Variants in ZNF207 observed in about 807,000 individuals in gnomAD.
ZNF207 encodes zinc finger protein 207, also known as BUB3-interacting and GLEBS motif-containing protein ZNF207.
In ZNF207, 24 loss-of-function variants were observed where a neutral mutation model predicts 60.2. The observed-to-expected ratio is 0.40, with a 90% CI of 0.29 to 0.56. ZNF207 has a LOEUF of 0.56. Among genes scored for constraint, ZNF207 ranks in the 20% least tolerant of loss-of-function variants. The pLI, the probability that ZNF207 is intolerant of heterozygous loss-of-function variation, is 0.49. For synonymous variants in ZNF207, 236 were observed against 194.7 expected, an observed-to-expected ratio of 1.21 and a Z score of -1.77; for missense variants, 452 against 636.6, an observed-to-expected ratio of 0.71 and a Z score of 3.12.
chr17:32,358,786 T>G (rs1904693380), intron 3 of ZNF207, 145 bp downstream of exon 3: 1 of 615,100 alleles, frequency 1.6e-6, no homozygotes, highest in Non-Finnish European at 2.4e-6. Flanking sequence ...GGGGTTTAAG[T>G]GATTGTTTGT....
At chr17:32,362,785 A>T in intron 6 of ZNF207, 129 bp from the exon 7 acceptor site, 1 of 621,230 alleles carries the variant, frequency 1.6e-6, no homozygotes, top group Non-Finnish European at 2.7e-6. Context: ...TTCAGCTTTG[A>T]TTCATTTCAG....
At position 32,370,475 on chromosome 17, in the gene ZNF207, C is replaced by CTT. The variant is rs1407922004; in HGVS notation, c.*718_*719dup. On this transcript the variant is annotated 3_prime_UTR_variant, in exon 12 of 12. Transcript: ENST00000394670. ...GTTTTGATATATCATTGGATTCTGT[C>CTT]TTTGAGTTGTAGGTTATTTCTTAGC... is the stretch of plus-strand genomic sequence containing the variant. 4 of 152,288 alleles carry CTT rather than the reference C, an allele frequency of 2.6e-5. No individual in the cohort carries two copies. The highest frequency in any genetic ancestry group is 9.7e-5 in the African/African-American group (4 of 41,420). 9.4% of individuals were successfully genotyped at this position (152,288 alleles called of 1,614,324 possible).
intron 4 of ZNF207, 30 bp downstream of exon 4, chr17:32,360,795 A>G (rs769024035): frequency 6.2e-7 from 1 of 1,612,434 alleles, no homozygotes; most frequent in Non-Finnish European, 8.5e-7. Flanking sequence ...AAAATCTAAC[A>G]TTTTTAGGAC....
At chr17:32,353,609 C>T (rs1383920747) in intron 2 of ZNF207, among the ~76,000 whole-genome samples, 1 of 149,048 alleles carries the variant, frequency 6.7e-6, no homozygotes, top group African/African-American at 2.5e-5. Flanking sequence ...TGGTGAAACC[C>T]CATCTCTACA....
intron 7 of ZNF207, 56 bp downstream of exon 7, chr17:32,363,040 T>G (rs1167064170): frequency 6.6e-7 from 1 of 1,518,044 alleles, no homozygotes; most frequent in Non-Finnish European, 9.0e-7. Context: ...TTCTAAGTTT[T>G]TTTAGACGTC....
chr17:32,358,441 T>G, intron 2 of ZNF207, 62 bp from the exon 3 acceptor site: 3 of 1,478,638 alleles, frequency 2.0e-6, no homozygotes, highest in Non-Finnish European at 2.7e-6. Flanking sequence ...CTAAGCAGTC[T>G]TTGATTAACT....
chr17:32,363,669 G>C (rs534684595), intron 7 of ZNF207, among the ~76,000 whole-genome samples: 2 of 149,734 alleles, frequency 1.3e-5, no homozygotes, highest in East Asian at 4.0e-4. Context: ...GTAGCTGGGA[G>C]TACAGGCGCC....
chr17:32,373,328 A>G lies in ZNF207; in HGVS notation c.*3569A>G. The stretch of plus-strand genomic sequence containing the variant: ...GATCATTGGGATTTTTAAAAAAAAA[A>G]ATTTTAATGCATGTCTTTTAAATTA... On this transcript the variant is annotated 3_prime_UTR_variant, in exon 12 of 12. Coordinates refer to ENST00000394670, the MANE Select transcript of ZNF207 (RefSeq NM_001098507.2). The G allele has an allele frequency of 1.6e-6, 1 of 635,344 alleles. No individual in the cohort carries two copies. The highest frequency in any genetic ancestry group is 2.8e-6 in the Non-Finnish European group (1 of 355,492). 39.4% of individuals were successfully genotyped at this position (635,344 alleles called of 1,614,324 possible). A position where few individuals can be genotyped will look rare whatever the true frequency, so the allele number is the denominator to read the frequency against.
At chr17:32,365,513 T>A in intron 8 of ZNF207, 26 bp downstream of exon 8, 3 of 1,609,276 alleles carry the variant, frequency 1.9e-6, no homozygotes, top group South Asian at 2.2e-5. Flanking sequence ...TGAAAAGGAG[T>A]GCACTTATAT....
chr17:32,368,038 G>C (rs577302472), intron 10 of ZNF207, 24 bp downstream of exon 10: 9 of 1,612,186 alleles, frequency 5.6e-6, no homozygotes, highest in South Asian at 1.1e-5. Context: ...AGTTTTCTAC[G>C]AGCAGCATTT....
chr17:32,366,633 C>G, intron 8 of ZNF207, 32 bp from the exon 9 acceptor site: 2 of 1,571,590 alleles, frequency 1.3e-6, no homozygotes, highest in Non-Finnish European at 1.7e-6. Flanking sequence ...TGTTTGGAGA[C>G]TTTTCATTGT....
At position 32,352,012 on chromosome 17, in the gene ZNF207, A is replaced by G. The variant is rs895598799; in HGVS notation, c.168+100A>G. On this transcript the variant is annotated intron_variant, in intron 2 of 11. Coordinates refer to ENST00000394670, the MANE Select transcript of ZNF207 (RefSeq NM_001098507.2). The stretch of plus-strand genomic sequence containing the variant: ...TTTTGAGTTTCGGTCTTGTCGCCCA[A>G]GCTGGAGTGCAGTGGTGCAATCTCG... The G allele has an allele frequency of 1.2e-5, 15 of 1,237,934 alleles. No homozygotes were observed. The African/African-American group carries it at 2.3e-4, about 19-fold the overall frequency. 76.7% of individuals were successfully genotyped at this position (1,237,934 alleles called of 1,614,324 possible). A position where few individuals can be genotyped will look rare whatever the true frequency, so the allele number is the denominator to read the frequency against.
intron 1 of ZNF207, chr17:32,351,332 C>T: frequency 1.7e-6 from 1 of 574,264 alleles, no homozygotes; most frequent in South Asian, 2.9e-5. Context: ...TATTGTTCAC[C>T]ATATAGTTAC....
intron 3 of ZNF207, among the ~76,000 whole-genome samples, chr17:32,360,369 C>G (rs913807210): frequency 1.3e-5 from 2 of 152,102 alleles, no homozygotes; most frequent in African/African-American, 4.8e-5. Context: ...AGAAAAAATA[C>G]TGATTTAGGA....
chr17:32,365,277 TCCACACTAA>T, intron 7 of ZNF207, 44 bp from the exon 8 acceptor site: 1 of 1,575,650 alleles, frequency 6.3e-7, no homozygotes, highest in Admixed American at 1.8e-5. Context: ...AGCGTTTTTT[TCCACACTAA>T]ATTTTTCAGT....
At chr17:32,358,412 A>G (rs1904672009) in intron 2 of ZNF207, 91 bp from the exon 3 acceptor site, 2 of 1,312,262 alleles carry the variant, frequency 1.5e-6, no homozygotes, top group Non-Finnish European at 2.0e-6. Context: ...GCCTCACTAT[A>G]GAACATTTAT....
rs780960386 is a variant in ZNF207 at position 32,358,649 on chromosome 17, T to C, written c.307+8T>C. The C allele has an allele frequency of 1.4e-6, 2 of 1,451,214 alleles. No individual in the cohort carries two copies. Among genetic ancestry groups the C allele is most frequent in the Non-Finnish European group, 1.8e-6 (2 of 1,107,350 alleles). 89.9% of individuals were successfully genotyped at this position (1,451,214 alleles called of 1,614,324 possible). On this transcript the variant is annotated splice_region_variant and intron_variant, in intron 3 of 11. Coordinates refer to ENST00000394670, the MANE Select transcript of ZNF207 (RefSeq NM_001098507.2). The stretch of plus-strand genomic sequence containing the variant: ...TTGAACAGAAAACACAAGGTAAATA[T>C]TGGGATAAGTTTTATTTTATTTATT...
In ZNF207 at chr17:32,369,811, G is replaced by A; in HGVS notation, c.*52G>A. On this transcript the variant is annotated 3_prime_UTR_variant, in exon 12 of 12. Transcript: ENST00000394670. ...TGGAGATTAAACCTTTTCTCAACTT[G>A]TGCTGTTTATATAGCCAAGCTTCCG... The A allele has an allele frequency of 7.2e-7, 1 of 1,387,784 alleles. No homozygotes were observed. The highest frequency in any genetic ancestry group is 9.4e-7 in the Non-Finnish European group (1 of 1,063,550). The allele number at this position is 1,387,784 out of a possible 1,614,324, so 86.0% of individuals were successfully genotyped here.
Position 32,373,587 on chromosome 17 carries a change from T to C in ZNF207, c.*3828T>C. On this transcript the variant is annotated 3_prime_UTR_variant, in exon 12 of 12. Coordinates refer to ENST00000394670, the MANE Select transcript of ZNF207 (RefSeq NM_001098507.2). ...TTAAACTTAGGATTTTTATACTCTT[T>C]TGGCAGAGAAGGCTCTATATTAATA... 1 of 420,518 alleles carries C rather than the reference T, an allele frequency of 2.4e-6. No homozygotes were observed. The highest frequency in any genetic ancestry group is 4.2e-6 in the Non-Finnish European group (1 of 237,700). The allele number at this position is 420,518 out of a possible 1,614,324, so 26.0% of individuals were successfully genotyped here. A position where few individuals can be genotyped will look rare whatever the true frequency, so the allele number is the denominator to read the frequency against.
Sources: allele counts gnomAD v4.1 joint callset (sites outside exome capture counted in the v4.1 genomes callset), GRCh38; gene constraint gnomAD v4.1.1; transcripts MANE v1.5; gene names NCBI Gene and HGNC (gene_info 2026-07-23, HGNC 2026-07-21).